Variants in MARCHF1 observed in about 807,000 individuals in gnomAD.
MARCHF1 encodes the protein membrane associated ring-CH-type finger 1.
In MARCHF1, 40 loss-of-function variants were observed where a neutral mutation model predicts 54.2. The ratio of observed to expected loss-of-function variants is 0.74; its 90% CI spans 0.57 to 0.96. The LOEUF (loss-of-function observed/expected upper bound fraction) is 0.96. Ranked by LOEUF, MARCHF1 falls within the 40% of genes least tolerant of loss-of-function variation. MARCHF1 has a pLI of 0.00. For missense variants in MARCHF1, 586 were observed against 656.5 expected (o/e 0.89, Z 1.17); for synonymous variants, 236 against 236.3 (o/e 1.00, Z 0.01).
chr4:164,280,465 A>G (rs1733999535), intron 1 of MARCHF1, among the ~76,000 whole-genome samples: 1 of 152,084 alleles, frequency 6.6e-6, no homozygotes, highest in South Asian at 2.1e-4. Flanking sequence ...GTGGAAAGAA[A>G]TGAATTATTC....
intron 2 of MARCHF1, among the ~76,000 whole-genome samples, chr4:164,001,817 G>C (rs1029675731): frequency 2.0e-5 from 3 of 151,802 alleles, no homozygotes; most frequent in African/African-American, 7.2e-5. Context: ...CCGTATAACT[G>C]TCCCCTTGAG....
chr4:163,600,004 T>A (rs1180086412), intron 7 of MARCHF1, among the ~76,000 whole-genome samples: 1 of 152,188 alleles, frequency 6.6e-6, no homozygotes, highest in African/African-American at 2.4e-5. Context: ...ATATTTTAGA[T>A]GGCTTCAGGA....
Position 164,193,891 on chromosome 4 carries a change from C to A in MARCHF1, c.-322-82229G>T, listed in dbSNP as rs77289943. The stretch of plus-strand genomic sequence containing the variant: ...AGCAACTGGCTTTTGTTCACTTACC[C>A]TAAGAAATTTCATTTCTGTGGTTAG... On this transcript the variant is annotated intron_variant, in intron 1 of 9. Coordinates refer to ENST00000514618, the MANE Select transcript of MARCHF1 (RefSeq NM_001394959.1). 4.4e-3 allele frequency among the ~76,000 whole-genome samples: 672 copies of A among 152,264 alleles called. 2 individuals are homozygous for A. The highest frequency in any genetic ancestry group is 0.015 in the African/African-American group (628 of 41,546).
chr4:164,381,054 A>G (rs1429967077), intron 1 of MARCHF1, among the ~76,000 whole-genome samples: 1 of 152,182 alleles, frequency 6.6e-6, no homozygotes, highest in African/African-American at 2.4e-5. Context: ...GCATAAACTT[A>G]TTCTTCATAC....
intron 3 of MARCHF1, among the ~76,000 whole-genome samples, chr4:163,875,876 C>CT (rs1372947631): frequency 3.9e-5 from 6 of 151,910 alleles, no homozygotes; most frequent in Non-Finnish European, 7.4e-5. Flanking sequence ...TTTAGCAAAC[C>CT]TTGGAAGGCT....
chr4:163,532,933 C>T (rs930025643), intron 9 of MARCHF1, among the ~76,000 whole-genome samples: 4 of 151,936 alleles, frequency 2.6e-5, no homozygotes, highest in African/African-American at 9.7e-5. Flanking sequence ...CAAAATGGTA[C>T]AGTCACTTTG....
intron 4 of MARCHF1, among the ~76,000 whole-genome samples, chr4:163,839,801 T>C (rs1427122580): frequency 6.6e-6 from 1 of 152,104 alleles, no homozygotes. Context: ...ATACCGATGA[T>C]TGCAGAACTC....
chr4:164,331,263 T>C (rs1186747826), intron 1 of MARCHF1, among the ~76,000 whole-genome samples: 1 of 151,708 alleles, frequency 6.6e-6, no homozygotes, highest in East Asian at 1.9e-4. Context: ...TAAGTTACAT[T>C]AAAAAAAAGT....
intron 3 of MARCHF1, among the ~76,000 whole-genome samples, chr4:163,901,435 C>G (rs1006232369): frequency 6.6e-6 from 1 of 152,130 alleles, no homozygotes; most frequent in African/African-American, 2.4e-5. Context: ...ACTTTGTCAC[C>G]TGTCTTATAG....
At chr4:164,320,524 A>G (rs2110758822) in intron 1 of MARCHF1, among the ~76,000 whole-genome samples, 1 of 152,340 alleles carries the variant, frequency 6.6e-6, no homozygotes, top group Middle Eastern at 3.4e-3. Flanking sequence ...AGACACAGCA[A>G]GAAAACACAT....
chr4:163,529,327 T>C (rs1471810396), intron 9 of MARCHF1, among the ~76,000 whole-genome samples: 1 of 152,052 alleles, frequency 6.6e-6, no homozygotes, highest in Non-Finnish European at 1.5e-5. Flanking sequence ...ATCATAATTA[T>C]GAGATATTAT....
At chr4:163,574,001 C>T (rs1158706031) in intron 8 of MARCHF1, among the ~76,000 whole-genome samples, 1 of 151,910 alleles carries the variant, frequency 6.6e-6, no homozygotes, top group African/African-American at 2.4e-5. Context: ...TAATGATTGC[C>T]ATTCTAACTG....
chr4:163,995,460 G>A (rs1195224607), intron 2 of MARCHF1, among the ~76,000 whole-genome samples: 1 of 151,936 alleles, frequency 6.6e-6, no homozygotes, highest in Non-Finnish European at 1.5e-5. Flanking sequence ...CCTTGGAGGA[G>A]GGGTTGGGCT....
chr4:164,321,592 A>G (rs1735144755), intron 1 of MARCHF1, among the ~76,000 whole-genome samples: 1 of 152,128 alleles, frequency 6.6e-6, no homozygotes, highest in Non-Finnish European at 1.5e-5. Context: ...TTAATGGAAA[A>G]ACATCTAGAA....
chr4:164,109,029 A>G (rs868681263), intron 2 of MARCHF1, among the ~76,000 whole-genome samples: 3 of 152,084 alleles, frequency 2.0e-5, no homozygotes, highest in Non-Finnish European at 4.4e-5. Context: ...AAAGAACTGT[A>G]CTAATTCTCC....
At chr4:164,168,806 G>A (rs1019829717) in intron 1 of MARCHF1, among the ~76,000 whole-genome samples, 4 of 151,964 alleles carry the variant, frequency 2.6e-5, no homozygotes, top group African/African-American at 9.7e-5. Flanking sequence ...CTTTACTACT[G>A]ATAGCCTACT....
At chr4:163,895,814 A>C (rs1750793565) in intron 3 of MARCHF1, among the ~76,000 whole-genome samples, 1 of 152,116 alleles carries the variant, frequency 6.6e-6, no homozygotes, top group African/African-American at 2.4e-5. Context: ...TCACTATGAC[A>C]TGGGTAATGC....
rs17475380 is a variant in MARCHF1, at chr4:164,080,731, A to G, written c.-248+30857T>C. Among the ~76,000 whole-genome samples the G allele has an allele frequency of 4.2e-3, 633 of 152,070 alleles. 3 individuals are homozygous for G. The highest frequency in any genetic ancestry group is 7.9e-3 in the Admixed American group (120 of 15,272). ...TTGCAAAAAATTCACTGAAAAGCCA[A>G]AAGTAAAAACTATATTTTAAAAATG... On this transcript the variant is annotated intron_variant, in intron 2 of 9. Transcript: ENST00000514618.
intron 3 of MARCHF1, among the ~76,000 whole-genome samples, chr4:163,974,359 G>A (rs1466282649): frequency 6.6e-6 from 1 of 152,176 alleles, no homozygotes; most frequent in Non-Finnish European, 1.5e-5. Flanking sequence ...TCACCATGCT[G>A]TAAGGAAGCC....
Sources: gnomAD v4.1 joint callset for allele counts (sites outside exome capture counted in the v4.1 genomes callset) on GRCh38, gnomAD v4.1.1 for gene constraint, MANE v1.5 for transcripts, NCBI Gene and HGNC (gene_info 2026-07-23, HGNC 2026-07-21) for gene names.